The following TRAK1 variants were observed in gnomAD, a reference collection of about 807,000 sequenced individuals.
TRAK1 encodes the protein trafficking kinesin-binding protein 1.
A neutral mutation model predicts 92.1 loss-of-function variants in TRAK1; 33 were observed. That is an observed-to-expected ratio of 0.36 (90% CI 0.27 to 0.48). The LOEUF (loss-of-function observed/expected upper bound fraction) is 0.48, where lower values mean the gene tolerates loss of function less well. TRAK1 is among the 20% of genes least tolerant of loss of function. The probability of loss-of-function intolerance (pLI) is 0.99; values close to 1 mark genes in which losing one functional copy is unlikely to be tolerated. For missense variants in TRAK1, 1,123 were observed against 1,257.9 expected (o/e 0.89, Z 1.62); for synonymous variants, 521 against 517.3 (o/e 1.01, Z -0.10).
intron 1 of TRAK1, among the ~76,000 whole-genome samples, chr3:42,081,235 G>A (rs528309640): frequency 6.6e-6 from 1 of 152,214 alleles, no homozygotes; most frequent in East Asian, 1.9e-4. Flanking sequence ...GGTTAAACTC[G>A]AGCCAGCCTA....
At chr3:42,113,354 ACGCC>A (rs1708721209) in intron 1 of TRAK1, among the ~76,000 whole-genome samples, 2 of 136,516 alleles carry the variant, frequency 1.5e-5, no homozygotes, top group South Asian at 2.6e-4. Flanking sequence ...TCCTACTCCT[ACGCC>A]TACGCCTACG....
At chr3:42,040,970 G>A (rs184092159) in intron 1 of TRAK1, among the ~76,000 whole-genome samples, 2 of 152,104 alleles carry the variant, frequency 1.3e-5, no homozygotes, top group Non-Finnish European at 2.9e-5. Flanking sequence ...GAGCCACTGC[G>A]CCCAGCCACA....
chr3:42,177,981 C>T (rs1226937990), intron 3 of TRAK1, among the ~76,000 whole-genome samples: 1 of 152,180 alleles, frequency 6.6e-6, no homozygotes, highest in Non-Finnish European at 1.5e-5. Context: ...CCAGTTGCAG[C>T]TGTCTTTGGT....
chr3:42,079,489 T>TTG (rs1415453957), intron 1 of TRAK1, among the ~76,000 whole-genome samples: 3 of 150,032 alleles, frequency 2.0e-5, no homozygotes, highest in Non-Finnish European at 3.0e-5. Flanking sequence ...TTTTTTTTTT[T>TTG]TTTTGTTTTG....
chr3:42,073,602 T>C (rs1444849988), intron 1 of TRAK1, among the ~76,000 whole-genome samples: 1 of 152,074 alleles, frequency 6.6e-6, no homozygotes, highest in African/African-American at 2.4e-5. Flanking sequence ...CATTGTGAGG[T>C]GTATAGCATG....
At chr3:42,172,190 C>T (rs777346041) in intron 2 of TRAK1, among the ~76,000 whole-genome samples, 5 of 152,208 alleles carry the variant, frequency 3.3e-5, no homozygotes, top group Non-Finnish European at 7.3e-5. Flanking sequence ...TCAGGCAGAC[C>T]TCCTGCCACT....
At chr3:42,148,049 A>G (rs1699541679) in intron 2 of TRAK1, among the ~76,000 whole-genome samples, 1 of 149,314 alleles carries the variant, frequency 6.7e-6, no homozygotes, top group Non-Finnish European at 1.5e-5. Flanking sequence ...CACACACACT[A>G]TTATCTGTAT....
Position 42,202,936 on chromosome 3 carries a change from T to C in TRAK1, c.1744+184T>C. The stretch of plus-strand genomic sequence containing the variant: ...TCAGCCTAGGCCTCCGTCCCTCCCC[T>C]CTGGCTGGCAGGTGTGACAATGCAC... On this transcript the variant is annotated intron_variant, in intron 13 of 15. Coordinates refer to ENST00000327628, the MANE Select transcript of TRAK1 (RefSeq NM_001042646.3). This position sits in a 1 kb window ranked among gnomAD's most constrained non-coding sequence, Gnocchi z 6.1. The C allele has an allele frequency of 1.4e-6, 2 of 1,402,148 alleles. No homozygotes were observed. The highest frequency in any genetic ancestry group is 1.9e-6 in the Non-Finnish European group (2 of 1,077,408). 86.9% of individuals were successfully genotyped at this position (1,402,148 alleles called of 1,614,324 possible). A position where few individuals can be genotyped will look rare whatever the true frequency, so the allele number is the denominator to read the frequency against.
chr3:42,048,525 T>TTTC (rs1702849855), intron 1 of TRAK1, among the ~76,000 whole-genome samples: 1 of 152,098 alleles, frequency 6.6e-6, no homozygotes, highest in Admixed American at 6.5e-5. Context: ...ACTTTTTCTT[T>TTTC]TTCTTCGGTT....
chr3:42,183,553 T>TAAAAAAAAAAAA lies in TRAK1; in HGVS notation c.364-1125_364-1114dup, dbSNP rs11293523. The stretch of plus-strand genomic sequence containing the variant: ...CTGGGTGACAGAGTGAGACTCTGTC[T>TAAAAAAAAAAAA]AAAAAAAAAAAAAAAAAAGAAAGAA... On this transcript the variant is annotated intron_variant, in intron 3 of 15. Transcript: ENST00000327628. 2.5e-3 allele frequency among the ~76,000 whole-genome samples: 291 copies of TAAAAAAAAAAAA among 117,252 alleles called. 3 individuals are homozygous for TAAAAAAAAAAAA. The highest frequency in any genetic ancestry group is 8.5e-3 in the African/African-American group (267 of 31,314). 76.9% of individuals were successfully genotyped at this position (117,252 alleles called of 152,430 possible). A position where few individuals can be genotyped will look rare whatever the true frequency, so the allele number is the denominator to read the frequency against.
At chr3:42,103,988 A>G (rs760409488) in intron 1 of TRAK1, among the ~76,000 whole-genome samples, 7 of 152,142 alleles carry the variant, frequency 4.6e-5, no homozygotes, top group Non-Finnish European at 7.4e-5. Flanking sequence ...CGCTTTTCCA[A>G]TGGTCTTAGC....
chr3:42,019,789 T>G (rs1342696608), intron 1 of TRAK1, among the ~76,000 whole-genome samples: 2 of 152,250 alleles, frequency 1.3e-5, no homozygotes, highest in African/African-American at 4.8e-5. Flanking sequence ...ATAAAATGTC[T>G]CCTTATAATG....
intron 2 of TRAK1, among the ~76,000 whole-genome samples, chr3:42,174,509 T>C (rs1576791170): frequency 6.6e-6 from 1 of 151,918 alleles, no homozygotes; most frequent in East Asian, 1.9e-4. Flanking sequence ...TTCTTCAAGA[T>C]GGAGTCCTGC....
chr3:42,042,198 A>G (rs184457047), intron 1 of TRAK1, among the ~76,000 whole-genome samples: 275 of 152,178 alleles, frequency 1.8e-3, no homozygotes, highest in African/African-American at 6.3e-3. Context: ...AAGTGCTGGG[A>G]TTACAGGCGT....
At chr3:42,117,794 G>C (rs886886891) in intron 1 of TRAK1, among the ~76,000 whole-genome samples, 1 of 151,178 alleles carries the variant, frequency 6.6e-6, no homozygotes, top group African/African-American at 2.4e-5. Context: ...GACTTCTTCT[G>C]AGAGTCCACA....
chr3:42,121,420 T>G (rs909386653), intron 1 of TRAK1, among the ~76,000 whole-genome samples: 3 of 152,074 alleles, frequency 2.0e-5, no homozygotes, highest in Admixed American at 6.5e-5. Context: ...CCACTGCGCC[T>G]GGCTAATTTT....
intron 2 of TRAK1, chr3:42,149,430 A>G (rs1417310736): frequency 5.3e-6 from 8 of 1,513,078 alleles, no homozygotes; most frequent in Middle Eastern, 1.7e-4. Context: ...GTGTTTCGGG[A>G]TATTCTTCTG....
chr3:42,099,746 G>A (rs374381299), intron 1 of TRAK1, among the ~76,000 whole-genome samples: 13 of 152,174 alleles, frequency 8.5e-5, no homozygotes, highest in Middle Eastern at 3.2e-3. Flanking sequence ...AATCCTGACC[G>A]TAGACCATTC....
At position 42,193,098 on chromosome 3, in the gene TRAK1, A is replaced by G; in HGVS notation, c.793A>G (p.Ser265Gly). 1 of 1,614,152 alleles carries G rather than the reference A, an allele frequency of 6.2e-7. No individual in the cohort carries two copies. Among genetic ancestry groups the G allele is most frequent in the Non-Finnish European group, 8.5e-7 (1 of 1,179,990 alleles). Residue 265 changes from serine to glycine, a missense_variant, in exon 8 of 16, where the codon AGT becomes GGT. Transcript: ENST00000327628. ...AGGGGATGCCAATGTCCAGATTGCT[A>G]GTATCTCAGAGGAACTGGCCAAGAA... ...ELRDANVQIA[S>G]ISEELAKKTE...
Sources: gnomAD v4.1 joint callset for allele counts (sites outside exome capture counted in the v4.1 genomes callset) on GRCh38, gnomAD v4.1.1 for gene constraint, Gnocchi (gnomAD v3.1) non-coding constraint, MANE v1.5 for transcripts, NCBI Gene and HGNC (gene_info 2026-07-23, HGNC 2026-07-21) for gene names.